The following PTGER3 variants were observed in gnomAD, a reference collection of about 807,000 sequenced individuals.
PTGER3 encodes the protein prostaglandin E2 receptor EP3 subtype.
A neutral mutation model predicts 34.7 loss-of-function variants in PTGER3; 22 were observed. The ratio of observed to expected loss-of-function variants is 0.63; its 90% confidence interval spans 0.45 to 0.91. PTGER3 has a LOEUF of 0.91. Among genes scored for constraint, PTGER3 ranks in the 40% least tolerant of loss-of-function variants. The pLI, the probability that PTGER3 is intolerant of heterozygous loss-of-function variation, is 0.00. For synonymous variants in PTGER3, 241 were observed against 230.1 expected, an observed-to-expected ratio of 1.05 and a Z score of -0.43; for missense variants, 468 against 519.4, an observed-to-expected ratio of 0.90 and a Z score of 0.96.
chr1:70,992,194 T>C (rs893948712), intron 2 of PTGER3, among the ~76,000 whole-genome samples: 3 of 152,170 alleles, frequency 2.0e-5, no homozygotes, highest in Non-Finnish European at 2.9e-5. Flanking sequence ...CCCTGCTCTT[T>C]ATTCATCCAG....
chr1:71,016,969 G>A (rs1371262217), intron 1 of PTGER3, among the ~76,000 whole-genome samples: 1 of 151,942 alleles, frequency 6.6e-6, no homozygotes, highest in Non-Finnish European at 1.5e-5. Context: ...TTCTGATGCT[G>A]GCTGGCTTAT....
At position 71,047,039 on chromosome 1, in the gene PTGER3, C is replaced by T; in HGVS notation, c.539G>A (p.Gly180Asp). Residue 180 changes from glycine to aspartate, a missense_variant, in exon 1 of 4, where the codon GGC (glycine) becomes GAC (aspartate). By Grantham distance (94) the Gly-to-Asp change is moderately conservative (BLOSUM62 -1). Transcript: ENST00000306666. ...GAAGGCGAGCACGGCCAGCCACACG[C>T]CGAGCAGCACAGCGCGGGTGGCACG... is the stretch of plus-strand genomic sequence containing the variant. ...KTRATRAVLL[G>D]VWLAVLAFAL... The T allele has an allele frequency of 6.2e-7, 1 of 1,611,154 alleles. No individual in the cohort carries two copies. Among genetic ancestry groups the T allele is most frequent in the Non-Finnish European group, 8.5e-7 (1 of 1,178,966 alleles).
intron 4 of PTGER3, among the ~76,000 whole-genome samples, chr1:70,944,395 A>C (rs1650031839): frequency 6.6e-6 from 1 of 152,144 alleles, no homozygotes; most frequent in Non-Finnish European, 1.5e-5. Flanking sequence ...TGTTACCACC[A>C]TGAAAAGAGT....
At chr1:70,910,028 T>C (rs1410441041) in intron 4 of PTGER3, among the ~76,000 whole-genome samples, 1 of 152,242 alleles carries the variant, frequency 6.6e-6, no homozygotes, top group Non-Finnish European at 1.5e-5. Flanking sequence ...GTTACTATAA[T>C]ACATTGCTTG....
chr1:70,901,829 A>G (rs987693713), intron 4 of PTGER3, among the ~76,000 whole-genome samples: 1 of 152,218 alleles, frequency 6.6e-6, no homozygotes, highest in Admixed American at 6.5e-5. Flanking sequence ...GATTTTAAAC[A>G]TAAGATGGAG....
intron 4 of PTGER3, among the ~76,000 whole-genome samples, chr1:70,940,196 C>A (rs947866258): frequency 2.6e-5 from 4 of 152,154 alleles, no homozygotes; most frequent in Admixed American, 2.6e-4. Context: ...CAAGAGTCAC[C>A]TTTACTCCAT....
At chr1:70,858,725 A>G (rs1645863775) in intron 4 of PTGER3, among the ~76,000 whole-genome samples, 1 of 152,252 alleles carries the variant, frequency 6.6e-6, no homozygotes, top group Non-Finnish European at 1.5e-5. Flanking sequence ...CCTGGGGTCC[A>G]GGACCTGTGT....
intron 4 of PTGER3, among the ~76,000 whole-genome samples, chr1:70,929,794 C>T (rs1404602885): frequency 6.6e-6 from 1 of 152,090 alleles, no homozygotes; most frequent in Admixed American, 6.5e-5. Context: ...TGTAGGGAAA[C>T]CTCTGCAGTG....
intron 2 of PTGER3, among the ~76,000 whole-genome samples, chr1:70,964,465 G>A (rs1360383078): frequency 6.6e-6 from 1 of 152,182 alleles, no homozygotes; most frequent in African/African-American, 2.4e-5. Flanking sequence ...GGCAGGAGGT[G>A]AATGAGGAGC....
intron 1 of PTGER3, among the ~76,000 whole-genome samples, chr1:71,016,100 T>C (rs1159534058): frequency 6.6e-6 from 1 of 152,192 alleles, no homozygotes; most frequent in Non-Finnish European, 1.5e-5. Flanking sequence ...ACTCAATTAA[T>C]ATTTTTATTT....
intron 4 of PTGER3, among the ~76,000 whole-genome samples, chr1:70,860,744 T>C (rs1250532655): frequency 6.6e-6 from 1 of 152,138 alleles, no homozygotes; most frequent in East Asian, 1.9e-4. Context: ...TCATAAAGTT[T>C]TTCAAACTGG....
At chr1:70,950,794 G>A (rs1650686602), downstream of PTGER3, 1 of 152,048 alleles carries the variant, frequency 6.6e-6, no homozygotes, top group African/African-American at 2.4e-5. Context: ...CACCTTCCAG[G>A]TTCAAGCGAT....
At chr1:71,017,718 A>G (rs1658034052) in intron 1 of PTGER3, among the ~76,000 whole-genome samples, 1 of 152,118 alleles carries the variant, frequency 6.6e-6, no homozygotes, top group Admixed American at 6.5e-5. Context: ...ACCTTCCACC[A>G]TGATCACAAG....
chr1:71,035,347 T>G (rs1177434345), intron 1 of PTGER3, among the ~76,000 whole-genome samples: 2 of 152,240 alleles, frequency 1.3e-5, no homozygotes, highest in African/African-American at 2.4e-5. Flanking sequence ...GTTTTTGACA[T>G]TCTCAAATGT....
At chr1:71,037,310 G>A (rs181789141) in intron 1 of PTGER3, among the ~76,000 whole-genome samples, 5 of 152,258 alleles carry the variant, frequency 3.3e-5, no homozygotes, top group East Asian at 1.9e-4. Flanking sequence ...GCTTACCATC[G>A]AGGCTACCAC....
intron 2 of PTGER3, among the ~76,000 whole-genome samples, chr1:71,003,813 T>C (rs936607286): frequency 6.6e-6 from 1 of 152,204 alleles, no homozygotes; most frequent in African/African-American, 2.4e-5. Context: ...GTGGAAAGCT[T>C]TGCAGTTCCT....
At chr1:70,895,381 T>C (rs1165496164) in intron 4 of PTGER3, among the ~76,000 whole-genome samples, 1 of 152,142 alleles carries the variant, frequency 6.6e-6, no homozygotes, top group East Asian at 1.9e-4. Flanking sequence ...TGGCTACAAA[T>C]AAAAGAAAAG....
intron 2 of PTGER3, chr1:70,997,092 TA>T (rs1557725672): frequency 6.6e-6 from 1 of 152,114 alleles, no homozygotes; most frequent in Non-Finnish European, 1.5e-5. Context: ...GCAAACATGA[TA>T]AAACCCTGTC....
chr1:70,989,978 T>G (rs1390734302), intron 2 of PTGER3, among the ~76,000 whole-genome samples: 2 of 151,876 alleles, frequency 1.3e-5, no homozygotes, highest in African/African-American at 4.8e-5. Flanking sequence ...TATACATACA[T>G]GTATGGATGT....
Sources: gnomAD v4.1 joint callset for allele counts (sites outside exome capture counted in the v4.1 genomes callset) on GRCh38, gnomAD v4.1.1 for gene constraint, MANE v1.5 for transcripts, NCBI Gene and HGNC (gene_info 2026-07-23, HGNC 2026-07-21) for gene names.